The following FXN variants were observed in gnomAD, a reference collection of about 807,000 sequenced individuals.
The protein encoded by FXN is frataxin, mitochondrial.
Under a neutral mutation model 22.4 loss-of-function variants are expected in FXN, and 14 were observed. The observed-to-expected ratio is 0.62, with a 90% CI of 0.41 to 0.98. The LOEUF (loss-of-function observed/expected upper bound fraction) is 0.98, where lower values mean the gene tolerates loss of function less well. FXN is among the 50% of genes least tolerant of loss of function. FXN has a pLI of 0.00. For missense variants in FXN, 267 were observed against 268.4 expected (o/e 0.99, Z 0.04); for synonymous variants, 120 against 114.1 (o/e 1.05, Z -0.33).
chr9:69,072,820 A>G lies in FXN; in HGVS notation c.*58A>G. 4 of 1,611,358 alleles carry G rather than the reference A, an allele frequency of 2.5e-6. No individual in the cohort carries two copies. The highest frequency in any genetic ancestry group is 2.2e-5 in the South Asian group (2 of 90,936). ...ATCAGGCCAAGACCCCAGCTTCATT[A>G]TGCAGCTGAGGTCTGTTTTTTGTTG... is the stretch of plus-strand genomic sequence containing the variant. On this transcript the variant is annotated 3_prime_UTR_variant, in exon 5 of 5. Coordinates refer to ENST00000484259, the MANE Select transcript of FXN (RefSeq NM_000144.5).
Position 69,042,052 on chromosome 9 carries a change from A to G in FXN, c.166-4333A>G, listed in dbSNP as rs1473356983. Among the ~76,000 whole-genome samples the G allele has an allele frequency of 2.6e-5, 4 of 152,122 alleles. No homozygotes were observed. The East Asian group carries it at 7.7e-4, about 29-fold the overall frequency. ...GGTCAGGAGTGAGACCAGCCTGACCAACATGCTGAAACCTGTCTCTCCTAA... is the reference window on the plus strand; with the variant it reads ...GGTCAGGAGTGAGACCAGCCTGACCGACATGCTGAAACCTGTCTCTCCTAA... On this transcript the variant is annotated intron_variant, in intron 1 of 4. Coordinates refer to ENST00000484259, the MANE Select transcript of FXN (RefSeq NM_000144.5).
At position 69,077,271 on chromosome 9, in the gene FXN, G is replaced by A. The variant is rs958359624; in HGVS notation, c.*4509G>A. 1.2e-5 allele frequency: 12 copies of A among 985,260 alleles called. No individual in the cohort carries two copies. The highest frequency in any genetic ancestry group is 5.2e-5 in the African/African-American group (3 of 57,210). The allele number at this position is 985,260 out of a possible 1,614,324, so 61.0% of individuals were successfully genotyped here. On this transcript the variant is annotated 3_prime_UTR_variant, in exon 5 of 5. Transcript: ENST00000484259. ...AGCCAGGACACTTGGAGTGCATCCC[G>A]AAGTACCTGATCAGTGGCCCCTTTG...
rs1449499850 is a variant in FXN, at chr9:69,075,636, G to A, written c.*2874G>A. 8 of 985,218 alleles carry A rather than the reference G, an allele frequency of 8.1e-6. No homozygotes were observed. Among genetic ancestry groups the A allele is most frequent in the Non-Finnish European group, 9.6e-6 (8 of 829,848 alleles). 61.0% of individuals were successfully genotyped at this position (985,218 alleles called of 1,614,324 possible). ...TATGGTGTGGTCCAGTCATCCATGT[G>A]AAGGATGAGTTTCCAGGAAAAGGTT... is the stretch of plus-strand genomic sequence containing the variant. On this transcript the variant is annotated 3_prime_UTR_variant, in exon 5 of 5. Coordinates refer to ENST00000484259, the MANE Select transcript of FXN (RefSeq NM_000144.5).
intron 4 of FXN, among the ~76,000 whole-genome samples, chr9:69,068,357 G>C (rs990086383): frequency 6.6e-6 from 1 of 152,198 alleles, no homozygotes; most frequent in Admixed American, 6.5e-5. Flanking sequence ...TAGAACATGG[G>C]GTGCCTCCCC....
At position 69,078,020 on chromosome 9, in the gene FXN, C is replaced by T. The variant is rs1832402685; in HGVS notation, c.*5258C>T. On this transcript the variant is annotated 3_prime_UTR_variant, in exon 5 of 5. Coordinates refer to ENST00000484259, the MANE Select transcript of FXN (RefSeq NM_000144.5). ...GACAATATCATTTCCCAATTACATT[C>T]CTTTCCTACCGCACTCTATGATGCT... 9.1e-6 allele frequency: 9 copies of T among 985,358 alleles called. No individual in the cohort carries two copies. The highest frequency in any genetic ancestry group is 1.1e-5 in the Non-Finnish European group (9 of 829,890). 61.0% of individuals were successfully genotyped at this position (985,358 alleles called of 1,614,324 possible). A position where few individuals can be genotyped will look rare whatever the true frequency, so the allele number is the denominator to read the frequency against.
chr9:69,047,330 GACACAGACACACAC>G (rs1299549838), intron 2 of FXN, among the ~76,000 whole-genome samples: 5 of 147,696 alleles, frequency 3.4e-5, no homozygotes, highest in African/African-American at 5.0e-5. Context: ...TCTACACACA[GACACAGACACACAC>G]ACACAGACAC....
chr9:69,071,787 A>T (rs1212150856), intron 4 of FXN, among the ~76,000 whole-genome samples: 2 of 152,252 alleles, frequency 1.3e-5, no homozygotes, highest in East Asian at 3.8e-4. Context: ...TAACTGTTTA[A>T]TGGGTATAGT....
chr9:69,041,392 A>C (rs1831654617), intron 1 of FXN, among the ~76,000 whole-genome samples: 1 of 152,146 alleles, frequency 6.6e-6, no homozygotes. Context: ...AATATATCAC[A>C]CTGTAAATCA....
chr9:69,061,071 A>G (rs1417331858), intron 3 of FXN, among the ~76,000 whole-genome samples: 1 of 152,186 alleles, frequency 6.6e-6, no homozygotes, highest in African/African-American at 2.4e-5. Context: ...GGGGGTGAAA[A>G]TAGCTTGAGA....
At chr9:69,037,957 C>T (rs1290620099) in intron 1 of FXN, among the ~76,000 whole-genome samples, 1 of 152,176 alleles carries the variant, frequency 6.6e-6, no homozygotes, top group East Asian at 1.9e-4. Flanking sequence ...TGGCCATCAG[C>T]AGAGTTTTTA....
At chr9:69,055,979 G>T (rs1831950498) in intron 3 of FXN, among the ~76,000 whole-genome samples, 3 of 152,086 alleles carry the variant, frequency 2.0e-5, no homozygotes, top group African/African-American at 7.2e-5. Context: ...AAGCTTCTGG[G>T]CTCAAGTGAT....
intron 3 of FXN, among the ~76,000 whole-genome samples, chr9:69,059,053 G>A (rs919627534): frequency 1.3e-5 from 2 of 152,010 alleles, no homozygotes; most frequent in African/African-American, 4.8e-5. Context: ...GGGCGACAGA[G>A]CGAGACTTCA....
At chr9:69,058,456 G>A (rs1197583797) in intron 3 of FXN, among the ~76,000 whole-genome samples, 1 of 151,962 alleles carries the variant, frequency 6.6e-6, no homozygotes, top group Admixed American at 6.6e-5. Flanking sequence ...TTTGCTTGTT[G>A]ACATGTTCTT....
rs201069085 is a variant in FXN, at chr9:69,057,659, GCTAA to G, written c.384+4404_384+4407del. Among the ~76,000 whole-genome samples, 106 of 152,234 alleles carry G rather than the reference GCTAA, an allele frequency of 7.0e-4. 1 individual carries two copies. Among genetic ancestry groups the G allele is most frequent in the African/African-American group, 1.8e-3 (75 of 41,552 alleles). On this transcript the variant is annotated intron_variant, in intron 3 of 4. Coordinates refer to ENST00000484259, the MANE Select transcript of FXN (RefSeq NM_000144.5). ...AATTCCTGATTAGAGTCCTTCAGGT[GCTAA>G]CTAATTTATGTATTTCATGTTTGAT...
intron 1 of FXN, among the ~76,000 whole-genome samples, chr9:69,045,484 G>T (rs958338452): frequency 2.0e-5 from 3 of 152,024 alleles, no homozygotes; most frequent in Admixed American, 1.3e-4. Flanking sequence ...TCCCAGCTAC[G>T]CGGGAGGCTG....
At chr9:69,056,417 G>A (rs370094900) in intron 3 of FXN, among the ~76,000 whole-genome samples, 6 of 152,204 alleles carry the variant, frequency 3.9e-5, no homozygotes, top group South Asian at 2.1e-4. Flanking sequence ...GTAAGCTAAC[G>A]TGTGCAGCAT....
rs150449980 is a variant in FXN, at chr9:69,045,461, C to T, written c.166-924C>T. Reference sequence around the variant, plus strand: ...AAATACAAAAAATCGGGTGCGGTGGCGGGTGCCTGTAATCCCAGCTACGCG... The same window carrying T: ...AAATACAAAAAATCGGGTGCGGTGGTGGGTGCCTGTAATCCCAGCTACGCG... On this transcript the variant is annotated intron_variant, in intron 1 of 4. Coordinates refer to ENST00000484259, the MANE Select transcript of FXN (RefSeq NM_000144.5). 2.2e-3 allele frequency among the ~76,000 whole-genome samples: 341 copies of T among 152,134 alleles called. 4 individuals carry two copies. The highest frequency in any genetic ancestry group is 7.4e-3 in the African/African-American group (307 of 41,528).
At position 69,035,901 on chromosome 9, in the gene FXN, G is replaced by T; in HGVS notation, c.119G>T (p.Arg40Leu). The change falls in exon 1 of 5, where the codon CGT (arginine) becomes CTT (leucine). Residue 40 changes from arginine (R) to leucine (L), a missense_variant. Transcript: ENST00000484259. ...GAGTTGGCCCCACTCTGCGGCCGCC[G>T]TGGCCTGCGCACCGACATCGATGCG... ...PAELAPLCGR[R>L]GLRTDIDATC... 1 of 1,470,804 alleles carries T rather than the reference G, an allele frequency of 6.8e-7. No individual in the cohort carries two copies. The highest frequency in any genetic ancestry group is 9.0e-7 in the Non-Finnish European group (1 of 1,115,880). The allele number at this position is 1,470,804 out of a possible 1,614,324, so 91.1% of individuals were successfully genotyped here.
chr9:69,076,560 T>C lies in FXN; in HGVS notation c.*3798T>C. On this transcript the variant is annotated 3_prime_UTR_variant, in exon 5 of 5. Coordinates refer to ENST00000484259, the MANE Select transcript of FXN (RefSeq NM_000144.5). ...CCAATTTAAAATTTGACAGTTTGCA[T>C]TAAATTATAGGTTTACAATATGCTT... The C allele has an allele frequency of 1.0e-6, 1 of 985,456 alleles. No individual in the cohort carries two copies. The highest frequency in any genetic ancestry group is 4.7e-5 in the South Asian group (1 of 21,290). The allele number at this position is 985,456 out of a possible 1,614,324, so 61.0% of individuals were successfully genotyped here. A position where few individuals can be genotyped will look rare whatever the true frequency, so the allele number is the denominator to read the frequency against.
Sources: gnomAD v4.1 joint callset for allele counts (sites outside exome capture counted in the v4.1 genomes callset) on GRCh38, gnomAD v4.1.1 for gene constraint, MANE v1.5 for transcripts, NCBI Gene and HGNC (gene_info 2026-07-23, HGNC 2026-07-21) for gene names.